DOCK4: variants seen among roughly 807,000 people sequenced by gnomAD.
The protein encoded by DOCK4 is dedicator of cytokinesis 4.
Under a neutral mutation model 268.1 loss-of-function variants are expected in DOCK4, and 97 were observed. The ratio of observed to expected loss-of-function variants is 0.36; its 90% CI spans 0.31 to 0.43. DOCK4 has a LOEUF of 0.43. DOCK4 is among the 20% of genes least tolerant of loss of function. The pLI is 1.00. For missense variants in DOCK4, 2,145 were observed against 2,455.7 expected (o/e 0.87, Z 2.67); for synonymous variants, 954 against 887.2 (o/e 1.08, Z -1.34).
intron 47 of DOCK4, 93 bp downstream of exon 47, chr7:111,741,001 G>T: frequency 6.8e-7 from 1 of 1,462,212 alleles, no homozygotes; most frequent in Non-Finnish European, 9.3e-7. Context: ...CTTGCTTGTT[G>T]GTCTGTTCAT....
At chr7:112,165,608 G>A (rs975372922) in intron 1 of DOCK4, among the ~76,000 whole-genome samples, 2 of 150,496 alleles carry the variant, frequency 1.3e-5, no homozygotes, top group African/African-American at 4.9e-5. Flanking sequence ...GTCAATCCAT[G>A]TTTTACATAT....
chr7:111,974,535 T>A (rs1435199376), intron 8 of DOCK4, among the ~76,000 whole-genome samples: 1 of 143,230 alleles, frequency 7.0e-6, no homozygotes, highest in African/African-American at 2.8e-5. Context: ...TGTGTGTGTG[T>A]GTGTGTGTGT....
chr7:112,066,837 A>G (rs899368959), intron 1 of DOCK4, among the ~76,000 whole-genome samples: 2 of 148,544 alleles, frequency 1.3e-5, no homozygotes, highest in African/African-American at 5.0e-5. Flanking sequence ...TCTTCTTTTT[A>G]TCTCATTTAA....
At chr7:111,738,644 A>T (rs1205300406) in intron 49 of DOCK4, among the ~76,000 whole-genome samples, 1 of 152,228 alleles carries the variant, frequency 6.6e-6, no homozygotes, top group African/African-American at 2.4e-5. Context: ...CCCTATCAGA[A>T]ATATGGCTCA....
At chr7:111,797,768 A>T (rs576829521) in intron 30 of DOCK4, among the ~76,000 whole-genome samples, 1 of 152,322 alleles carries the variant, frequency 6.6e-6, no homozygotes, top group African/African-American at 2.4e-5. Context: ...AATAGACCAA[A>T]AGACAGATAA....
At chr7:112,175,140 G>A (rs187852428) in intron 1 of DOCK4, among the ~76,000 whole-genome samples, 2 of 151,948 alleles carry the variant, frequency 1.3e-5, no homozygotes, top group Admixed American at 6.6e-5. Context: ...TGGGATTACA[G>A]GTGTGAGTCA....
intron 39 of DOCK4, among the ~76,000 whole-genome samples, chr7:111,762,960 G>T (rs185325106): frequency 6.6e-6 from 1 of 151,502 alleles, no homozygotes; most frequent in East Asian, 1.9e-4. Context: ...TAGAGATGGG[G>T]TCTCACTATG....
chr7:112,031,012 T>C (rs1015363119), intron 1 of DOCK4, among the ~76,000 whole-genome samples: 1 of 152,202 alleles, frequency 6.6e-6, no homozygotes, highest in African/African-American at 2.4e-5. Flanking sequence ...GCTATGCCTA[T>C]CTGTCCTCTT....
chr7:112,127,303 C>T (rs1169183973), intron 1 of DOCK4, among the ~76,000 whole-genome samples: 6 of 150,508 alleles, frequency 4.0e-5, no homozygotes, highest in Non-Finnish European at 7.4e-5. Context: ...AGTAAACTAT[C>T]GCAAGGACAA....
chr7:111,852,360 G>T (rs1251890158), intron 23 of DOCK4, among the ~76,000 whole-genome samples: 1 of 152,074 alleles, frequency 6.6e-6, no homozygotes, highest in Admixed American at 6.6e-5. Context: ...TAAGGCACAG[G>T]CATTCTATAC....
chr7:111,741,432 A>G, intron 46 of DOCK4, 108 bp downstream of exon 46: 2 of 1,482,376 alleles, frequency 1.3e-6, no homozygotes, highest in Non-Finnish European at 9.1e-7. Context: ...TAGTTATTTC[A>G]TTAAGAAATA....
intron 28 of DOCK4, among the ~76,000 whole-genome samples, chr7:111,810,387 G>C (rs1441844454): frequency 6.6e-6 from 1 of 151,982 alleles, no homozygotes; most frequent in East Asian, 1.9e-4. Flanking sequence ...GGGGGGCAGA[G>C]GTTGCAGTGA....
At chr7:112,140,317 C>G (rs1814781645) in intron 1 of DOCK4, among the ~76,000 whole-genome samples, 1 of 152,146 alleles carries the variant, frequency 6.6e-6, no homozygotes, top group African/African-American at 2.4e-5. Flanking sequence ...TTGTTCTTCA[C>G]TCTAGTGCAG....
chr7:111,735,193 A>G (rs368636490), intron 50 of DOCK4, 26 bp from the exon 51 acceptor site: 3 of 1,485,016 alleles, frequency 2.0e-6, no homozygotes, highest in Non-Finnish European at 2.7e-6. Context: ...ACAGCTAAAA[A>G]CACACGGTCC....
chr7:111,763,190 C>T (rs1309273415), intron 39 of DOCK4, among the ~76,000 whole-genome samples: 1 of 151,766 alleles, frequency 6.6e-6, no homozygotes, highest in Non-Finnish European at 1.5e-5. Context: ...TGGCCTCAAG[C>T]AATTCTCTTG....
In DOCK4 at chr7:111,945,733, T is replaced by C. The variant is rs1054134483; in HGVS notation, c.767A>G (p.His256Arg). Residue 256 changes from histidine (H) to arginine (R), a missense_variant, in exon 9 of 53, where the codon CAT becomes CGT. Around this residue, in one of 2 missense-constraint regions of DOCK4, gnomAD observed 1,598 missense variants for 1,986.7 expected, o/e 0.80. Transcript: ENST00000428084. ...TCCACTCACCACAAAGAGGGAGCAA[T>C]GTCGTTCCGGTTTATCAGGGGCTTT... Reference protein sequence around the residue: ...LPKAPDKPERHCSLFVDLGSS... With the variant: ...LPKAPDKPERRCSLFVDLGSS... The C allele has an allele frequency of 6.3e-7, 1 of 1,597,606 alleles. No homozygotes were observed. Among genetic ancestry groups the C allele is most frequent in the Non-Finnish European group, 8.5e-7 (1 of 1,171,684 alleles).
chr7:111,992,409 C>T (rs1055629859), intron 5 of DOCK4, among the ~76,000 whole-genome samples: 8 of 152,178 alleles, frequency 5.3e-5, no homozygotes, highest in Non-Finnish European at 8.8e-5. Flanking sequence ...AAAGGTCTGA[C>T]ATGGCCAAGG....
At chr7:111,842,519 T>A (rs903241111) in intron 25 of DOCK4, among the ~76,000 whole-genome samples, 2 of 152,172 alleles carry the variant, frequency 1.3e-5, no homozygotes, top group African/African-American at 4.8e-5. Context: ...ACTTCCACCC[T>A]CATGAGGATG....
chr7:112,171,276 A>G (rs534923680), intron 1 of DOCK4, among the ~76,000 whole-genome samples: 14 of 152,342 alleles, frequency 9.2e-5, no homozygotes, highest in Middle Eastern at 6.8e-3. Flanking sequence ...GAAATAACTA[A>G]TGAATACAAT....
Sources: allele counts gnomAD v4.1 joint callset (sites outside exome capture counted in the v4.1 genomes callset), GRCh38; gene constraint gnomAD v4.1.1; regional missense constraint gnomAD v4.1.1; transcripts MANE v1.5; gene names NCBI Gene and HGNC (gene_info 2026-07-23, HGNC 2026-07-21).